The following TMEM132D variants were observed in gnomAD, a reference collection of about 807,000 sequenced individuals.
TMEM132D encodes the protein transmembrane protein 132D, also known as mature OL transmembrane protein.
TMEM132D carries 21 observed loss-of-function variants against 62.3 expected under a neutral mutation model. That is an observed-to-expected ratio of 0.34 (90% CI 0.24 to 0.49). The LOEUF (loss-of-function observed/expected upper bound fraction) is 0.49, where lower values mean the gene tolerates loss of function less well. Ranked by LOEUF, TMEM132D falls within the 20% of genes least tolerant of loss-of-function variation. The pLI is 0.99. For missense variants in TMEM132D, 1,346 were observed against 1,402.8 expected (o/e 0.96, Z 0.65); for synonymous variants, 621 against 575.6 (o/e 1.08, Z -1.13).
intron 1 of TMEM132D, among the ~76,000 whole-genome samples, chr12:129,790,488 C>T (rs1045002785): frequency 6.6e-6 from 1 of 152,136 alleles, no homozygotes; most frequent in East Asian, 1.9e-4. Flanking sequence ...GGGCTGTCCC[C>T]GGCTGGACTC....
chr12:129,721,724 C>T (rs1012391871), intron 1 of TMEM132D, among the ~76,000 whole-genome samples: 4 of 152,180 alleles, frequency 2.6e-5, no homozygotes, highest in African/African-American at 9.7e-5. Context: ...GTGGATCCTG[C>T]ATGTACGGAC....
At chr12:129,706,842 G>A (rs905923946) in intron 1 of TMEM132D, among the ~76,000 whole-genome samples, 3 of 151,698 alleles carry the variant, frequency 2.0e-5, no homozygotes, top group Non-Finnish European at 4.4e-5. Flanking sequence ...CTACTTAACA[G>A]TTCTTGAATC....
chr12:129,304,662 C>CTTTTTTT (rs35812965), intron 4 of TMEM132D, among the ~76,000 whole-genome samples: 21 of 93,628 alleles, frequency 2.2e-4, no homozygotes, highest in Non-Finnish European at 3.1e-4. Flanking sequence ...ATACTTGGAT[C>CTTTTTTT]TTTTTTTTTT....
chr12:129,318,861 A>C (rs1304380640), intron 4 of TMEM132D, among the ~76,000 whole-genome samples: 1 of 152,056 alleles, frequency 6.6e-6, no homozygotes, highest in Non-Finnish European at 1.5e-5. Flanking sequence ...TAAGAGGATT[A>C]TGGCTGCCTC....
At chr12:129,314,778 T>C (rs1187565248) in intron 4 of TMEM132D, among the ~76,000 whole-genome samples, 2 of 152,236 alleles carry the variant, frequency 1.3e-5, no homozygotes, top group Non-Finnish European at 2.9e-5. Flanking sequence ...CATTTGTTTG[T>C]GTTGTCTACG....
intron 4 of TMEM132D, among the ~76,000 whole-genome samples, chr12:129,246,379 A>G (rs949046256): frequency 3.3e-5 from 5 of 152,184 alleles, no homozygotes; most frequent in African/African-American, 1.2e-4. Flanking sequence ...GCTTTTACAC[A>G]TAAGAGGCCA....
chr12:129,348,115 A>T (rs1869743809), intron 3 of TMEM132D, among the ~76,000 whole-genome samples: 1 of 152,180 alleles, frequency 6.6e-6, no homozygotes, highest in Non-Finnish European at 1.5e-5. Flanking sequence ...TGGGAGTGTA[A>T]ATTAGTTTAA....
intron 3 of TMEM132D, among the ~76,000 whole-genome samples, chr12:129,358,305 C>A (rs954250252): frequency 1.3e-5 from 2 of 151,958 alleles, no homozygotes; most frequent in African/African-American, 2.4e-5. Flanking sequence ...TTTCTGGAAC[C>A]CTTGTTGTTT....
chr12:129,534,331 G>A (rs906553039), intron 2 of TMEM132D, among the ~76,000 whole-genome samples: 2 of 152,104 alleles, frequency 1.3e-5, no homozygotes, highest in Non-Finnish European at 2.9e-5. Flanking sequence ...CATGCACTGT[G>A]ATTGGGTATC....
intron 3 of TMEM132D, among the ~76,000 whole-genome samples, chr12:129,512,574 T>C (rs887415055): frequency 6.6e-6 from 1 of 152,144 alleles, no homozygotes; most frequent in Non-Finnish European, 1.5e-5. Context: ...TTTCTGAGGG[T>C]CAAGAATTTG....
intron 1 of TMEM132D, among the ~76,000 whole-genome samples, chr12:129,717,937 C>T (rs1355458661): frequency 6.6e-6 from 1 of 152,076 alleles, no homozygotes; most frequent in Non-Finnish European, 1.5e-5. Context: ...CCGTGCTGGT[C>T]GCCATGAGAC....
intron 3 of TMEM132D, among the ~76,000 whole-genome samples, chr12:129,440,710 C>T (rs911310141): frequency 2.0e-5 from 3 of 152,134 alleles, no homozygotes; most frequent in East Asian, 1.9e-4. Context: ...GGCTACATGA[C>T]GGATGCAGAT....
intron 1 of TMEM132D, among the ~76,000 whole-genome samples, chr12:129,843,406 C>T (rs1462825325): frequency 6.6e-6 from 1 of 152,110 alleles, no homozygotes; most frequent in Admixed American, 6.5e-5. Flanking sequence ...CACGATTCCA[C>T]CCCATAAGTG....
intron 5 of TMEM132D, among the ~76,000 whole-genome samples, chr12:129,193,157 C>CA (rs56805583): frequency 2.6e-4 from 30 of 114,944 alleles, no homozygotes; most frequent in South Asian, 1.5e-3. Flanking sequence ...GATTCTGTCT[C>CA]AAAAAAAAAA....
intron 4 of TMEM132D, among the ~76,000 whole-genome samples, chr12:129,247,052 C>T (rs1000144235): frequency 6.6e-6 from 1 of 152,154 alleles, no homozygotes; most frequent in African/African-American, 2.4e-5. Flanking sequence ...TATGTTTCTT[C>T]CTCCTTAATC....
chr12:129,822,297 G>A (rs1158405357), intron 1 of TMEM132D, among the ~76,000 whole-genome samples: 1 of 152,098 alleles, frequency 6.6e-6, no homozygotes, highest in Non-Finnish European at 1.5e-5. Context: ...TGTCTCACTG[G>A]AGGACTCACA....
At chr12:129,808,173 A>G (rs1872054478) in intron 1 of TMEM132D, among the ~76,000 whole-genome samples, 1 of 152,230 alleles carries the variant, frequency 6.6e-6, no homozygotes, top group Non-Finnish European at 1.5e-5. Context: ...AATATCATGG[A>G]GCACAGCTTA....
chr12:129,531,173 C>T lies in TMEM132D; in HGVS notation c.1001G>A (p.Gly334Asp), dbSNP rs775549321. The stretch of plus-strand genomic sequence containing the variant: ...AATGGAAGGGCTGCTGGCTCGCACG[C>T]CGATGATGTTCACGCCTTTCTTCAC... ...AKVKKGVNIIGVRASSPSIWD... is the reference protein window; with the variant it reads ...AKVKKGVNIIDVRASSPSIWD... Residue 334 changes from glycine (G) to aspartate (D), a missense_variant, in exon 3 of 9, where the codon GGC (glycine) becomes GAC (aspartate). Gly to Asp is a moderately conservative substitution (Grantham distance 94, BLOSUM62 -1). Coordinates refer to ENST00000422113, the MANE Select transcript of TMEM132D (RefSeq NM_133448.3). 8 of 1,612,962 alleles carry T rather than the reference C, an allele frequency of 5.0e-6. No homozygotes were observed. In the African/African-American group the frequency reaches 9.4e-5, roughly 19 times the overall value.
chr12:129,089,541 A>C lies in TMEM132D; in HGVS notation c.1444-4839T>G, dbSNP rs79940653. On this transcript the variant is annotated intron_variant, in intron 5 of 8. Coordinates refer to ENST00000422113, the MANE Select transcript of TMEM132D (RefSeq NM_133448.3). ...TGTCCTCCATGACCGGGTGTCCTCC[A>C]TGACCGGGTGTCCTCCCTGACTGAG... is the stretch of plus-strand genomic sequence containing the variant. Among the ~76,000 whole-genome samples, 11 of 58,516 alleles carry C rather than the reference A, an allele frequency of 1.9e-4. 2 individuals are homozygous for C. The highest frequency in any genetic ancestry group is 1.5e-3 in the South Asian group (2 of 1,324). 38.4% of individuals were successfully genotyped at this position (58,516 alleles called of 152,430 possible).
Sources: allele counts gnomAD v4.1 joint callset (sites outside exome capture counted in the v4.1 genomes callset), GRCh38; gene constraint gnomAD v4.1.1; transcripts MANE v1.5; gene names NCBI Gene and HGNC (gene_info 2026-07-23, HGNC 2026-07-21).